Variants in EXOC4 observed in about 807,000 individuals in gnomAD.
EXOC4 encodes exocyst complex component 4.
In EXOC4, 71 loss-of-function variants were observed where a neutral mutation model predicts 107.2. The ratio of observed to expected loss-of-function variants is 0.66; its 90% CI spans 0.55 to 0.81. The LOEUF (loss-of-function observed/expected upper bound fraction) is 0.81. Ranked by LOEUF, EXOC4 falls within the 30% of genes least tolerant of loss-of-function variation. The pLI, the probability that EXOC4 is intolerant of heterozygous loss-of-function variation, is 0.00. For synonymous variants in EXOC4, 456 were observed against 441.2 expected (o/e 1.03, Z -0.42); for missense variants, 1,108 against 1,189.6 (o/e 0.93, Z 1.01).
chr7:133,364,746 C>T (rs1796213813), intron 6 of EXOC4, among the ~76,000 whole-genome samples: 1 of 152,158 alleles, frequency 6.6e-6, no homozygotes, highest in African/African-American at 2.4e-5. Flanking sequence ...TTTGCAAAGC[C>T]ATCTGCCATC....
chr7:133,513,125 A>G (rs1799804626), intron 9 of EXOC4, among the ~76,000 whole-genome samples: 1 of 152,172 alleles, frequency 6.6e-6, no homozygotes, highest in Non-Finnish European at 1.5e-5. Context: ...ATAAATAAAT[A>G]AAGTATGTGA....
intron 14 of EXOC4, among the ~76,000 whole-genome samples, chr7:133,987,282 G>A (rs559416838): frequency 1.3e-5 from 2 of 152,000 alleles, no homozygotes; most frequent in Non-Finnish European, 2.9e-5. Context: ...GCAACATAGC[G>A]AGACCCTTTC....
chr7:133,368,886 C>T (rs1045841010), intron 6 of EXOC4, among the ~76,000 whole-genome samples: 5 of 152,154 alleles, frequency 3.3e-5, no homozygotes, highest in African/African-American at 1.2e-4. Context: ...TTCAATTCAG[C>T]TTAAGGAATC....
chr7:133,823,135 T>C (rs778205609), intron 11 of EXOC4, among the ~76,000 whole-genome samples: 1 of 152,216 alleles, frequency 6.6e-6, no homozygotes, highest in African/African-American at 2.4e-5. Flanking sequence ...GTACAAATTC[T>C]GGGCAATCTT....
intron 10 of EXOC4, among the ~76,000 whole-genome samples, chr7:133,691,447 C>T (rs1052217906): frequency 4.6e-5 from 7 of 151,998 alleles, no homozygotes; most frequent in African/African-American, 7.3e-5. Flanking sequence ...TAATGTAATG[C>T]GTATATTTTT....
At chr7:133,785,044 T>C (rs1370063113) in intron 10 of EXOC4, among the ~76,000 whole-genome samples, 4 of 152,194 alleles carry the variant, frequency 2.6e-5, no homozygotes, top group African/African-American at 7.2e-5. Context: ...TTAGTTTCCA[T>C]AGGGCTAACT....
At chr7:133,504,586 T>C (rs1411307135) in intron 9 of EXOC4, among the ~76,000 whole-genome samples, 1 of 152,100 alleles carries the variant, frequency 6.6e-6, no homozygotes, top group East Asian at 1.9e-4. Flanking sequence ...TATATCGTGG[T>C]AGATGACAGA....
At chr7:133,301,038 G>A (rs752992278) in intron 3 of EXOC4, among the ~76,000 whole-genome samples, 73 of 152,252 alleles carry the variant, frequency 4.8e-4, no homozygotes, top group Non-Finnish European at 8.7e-4. Flanking sequence ...AAATATCTTC[G>A]CTGCTTGCTT....
chr7:133,848,854 C>A (rs1004095528), intron 11 of EXOC4, among the ~76,000 whole-genome samples: 1 of 152,188 alleles, frequency 6.6e-6, no homozygotes, highest in African/African-American at 2.4e-5. Context: ...ATTTCTAGTT[C>A]AGTTCTGCAG....
chr7:133,625,370 A>G (rs1319888610), intron 9 of EXOC4, among the ~76,000 whole-genome samples: 4 of 152,240 alleles, frequency 2.6e-5, no homozygotes, highest in Non-Finnish European at 4.4e-5. Flanking sequence ...GCTGACGCTC[A>G]GAGAATTTAA....
chr7:133,427,446 G>A (rs17596283), intron 7 of EXOC4, among the ~76,000 whole-genome samples: 12,096 of 152,186 alleles, frequency 0.079, 682 homozygotes, highest in Non-Finnish European at 0.11. Context: ...ATGATCTGTT[G>A]TTCATAAAGC....
chr7:134,043,360 T>C (rs528227613), intron 17 of EXOC4, among the ~76,000 whole-genome samples: 1 of 152,290 alleles, frequency 6.6e-6, no homozygotes, highest in South Asian at 2.1e-4. Flanking sequence ...CAAGCAACTA[T>C]TACTGAAACA....
intron 11 of EXOC4, among the ~76,000 whole-genome samples, chr7:133,894,188 A>G (rs369459320): frequency 0.14 from 12,146 of 89,374 alleles, 1,229 homozygotes; most frequent in African/African-American, 0.3. Flanking sequence ...TTCATCTTCC[A>G]TTGCTGATAC....
chr7:133,506,823 A>G (rs1188335913), intron 9 of EXOC4, among the ~76,000 whole-genome samples: 1 of 152,056 alleles, frequency 6.6e-6, no homozygotes, highest in Non-Finnish European at 1.5e-5. Flanking sequence ...CAGGTTTAGC[A>G]TATTTTTTGC....
intron 7 of EXOC4, among the ~76,000 whole-genome samples, chr7:133,385,662 T>C (rs768798837): frequency 1.8e-4 from 27 of 152,362 alleles, no homozygotes; most frequent in Non-Finnish European, 3.7e-4. Context: ...CAGTTTGTCG[T>C]ATTGCTCCCC....
intron 10 of EXOC4, among the ~76,000 whole-genome samples, chr7:133,726,257 G>T (rs1795212898): frequency 6.6e-6 from 1 of 152,180 alleles, no homozygotes; most frequent in African/African-American, 2.4e-5. Flanking sequence ...GGAAAACTGA[G>T]AAAAGAAGAC....
intron 17 of EXOC4, among the ~76,000 whole-genome samples, chr7:134,057,276 A>G (rs573795937): frequency 2.6e-4 from 39 of 152,250 alleles, no homozygotes; most frequent in African/African-American, 8.9e-4. Context: ...AGCTGAGGGA[A>G]TATAAGCAAT....
chr7:133,958,066 A>G (rs986171760), intron 14 of EXOC4, among the ~76,000 whole-genome samples: 9 of 152,234 alleles, frequency 5.9e-5, no homozygotes, highest in Non-Finnish European at 1.0e-4. Context: ...CAGGGCCAGT[A>G]TCAGTAATGA....
At chr7:133,741,035 C>A (rs753704609) in intron 10 of EXOC4, among the ~76,000 whole-genome samples, 2 of 152,188 alleles carry the variant, frequency 1.3e-5, no homozygotes, top group Non-Finnish European at 2.9e-5. Flanking sequence ...AGGGTAAATA[C>A]TGGAGCTAGA....
Sources: allele counts gnomAD v4.1 joint callset (sites outside exome capture counted in the v4.1 genomes callset), GRCh38; gene constraint gnomAD v4.1.1; transcripts MANE v1.5; gene names NCBI Gene and HGNC (gene_info 2026-07-23, HGNC 2026-07-21).